TCF12: variants seen among roughly 807,000 people sequenced by gnomAD.
TCF12 encodes the protein transcription factor 12.
Under a neutral mutation model 86.0 loss-of-function variants are expected in TCF12, and 45 were observed. The ratio of observed to expected loss-of-function variants is 0.52; its 90% CI spans 0.41 to 0.67. The LOEUF is 0.67. Among genes scored for constraint, TCF12 ranks in the 30% least tolerant of loss-of-function variants. The pLI is 0.00. For synonymous variants in TCF12, 330 were observed against 299.6 expected (o/e 1.10, Z -1.05); for missense variants, 881 against 859.9 (o/e 1.02, Z -0.31).
At chr15:57,054,364 T>A (rs545629741) in intron 3 of TCF12, among the ~76,000 whole-genome samples, 1 of 152,384 alleles carries the variant, frequency 6.6e-6, no homozygotes, top group African/African-American at 2.4e-5. Context: ...TGACTTATGA[T>A]CCTAATGGGT....
At chr15:57,089,337 G>A (rs537250900) in intron 4 of TCF12, among the ~76,000 whole-genome samples, 1 of 152,036 alleles carries the variant, frequency 6.6e-6, no homozygotes, top group African/African-American at 2.4e-5. Flanking sequence ...CAGTAAATAG[G>A]TATTGAGGAT....
chr15:57,139,979 C>T (rs1409090098), intron 5 of TCF12, among the ~76,000 whole-genome samples: 1 of 152,110 alleles, frequency 6.6e-6, no homozygotes, highest in East Asian at 1.9e-4. Context: ...GGCACTTTGC[C>T]ATTTAATTAA....
At chr15:57,028,918 T>G (rs1261970841) in intron 3 of TCF12, among the ~76,000 whole-genome samples, 1 of 151,950 alleles carries the variant, frequency 6.6e-6, no homozygotes, top group Non-Finnish European at 1.5e-5. Flanking sequence ...CTGCATCAGC[T>G]TCCTGAGTAG....
At chr15:57,282,705 A>G in intron 20 of TCF12, 107 bp downstream of exon 20, 3 of 1,292,524 alleles carry the variant, frequency 2.3e-6, no homozygotes, top group Non-Finnish European at 2.1e-6. Flanking sequence ...GGCCATTGTA[A>G]AGGTCACATG....
At chr15:56,966,149 C>T (rs778089819) in intron 3 of TCF12, among the ~76,000 whole-genome samples, 6 of 151,994 alleles carry the variant, frequency 3.9e-5, no homozygotes, top group African/African-American at 7.2e-5. Context: ...ATTTTGTTTC[C>T]TTATTAACTA....
chr15:56,984,538 G>A (rs1247580805), intron 3 of TCF12, among the ~76,000 whole-genome samples: 1 of 152,086 alleles, frequency 6.6e-6, no homozygotes, highest in East Asian at 1.9e-4. Context: ...AGAGTGTTCT[G>A]TGTACCGTAC....
intron 5 of TCF12, among the ~76,000 whole-genome samples, chr15:57,100,545 G>T (rs1236793584): frequency 6.6e-6 from 1 of 151,372 alleles, no homozygotes; most frequent in African/African-American, 2.4e-5. Context: ...TTATAGACAT[G>T]AGCCACTTTA....
chr15:57,166,302 A>G (rs575790073), intron 5 of TCF12, 100 bp from the exon 6 acceptor site: 88 of 959,186 alleles, frequency 9.2e-5, no homozygotes, highest in East Asian at 4.2e-4. Context: ...TGTTCTTTCT[A>G]TTTTAAAACT....
chr15:57,112,345 C>T (rs2050549686), intron 5 of TCF12, among the ~76,000 whole-genome samples: 1 of 152,120 alleles, frequency 6.6e-6, no homozygotes, highest in Non-Finnish European at 1.5e-5. Flanking sequence ...CAGGGACAGG[C>T]CTTGGGTTAG....
At chr15:57,009,153 C>G (rs1229862573) in intron 3 of TCF12, among the ~76,000 whole-genome samples, 3 of 152,116 alleles carry the variant, frequency 2.0e-5, no homozygotes. Flanking sequence ...CTGTCACTCA[C>G]GCTGTAGTGC....
chr15:57,086,321 T>C lies in TCF12; in HGVS notation c.223-5468T>C, dbSNP rs1317976121. Among the ~76,000 whole-genome samples, 12 of 151,592 alleles carry C rather than the reference T, an allele frequency of 7.9e-5. 1 individual carries two copies. Among genetic ancestry groups the C allele is most frequent in the Admixed American group, 7.9e-4 (12 of 15,202 alleles). On this transcript the variant is annotated intron_variant, in intron 4 of 20. Coordinates refer to ENST00000333725, the MANE Select transcript of TCF12 (RefSeq NM_207037.2). ...CTACATATATTTACTTATTTAATCC[T>C]TTTGTAACAACCTGTGAAGTGAACG...
chr15:57,185,007 C>A (rs2151667620), intron 6 of TCF12, among the ~76,000 whole-genome samples: 1 of 152,190 alleles, frequency 6.6e-6, no homozygotes, highest in South Asian at 2.1e-4. Context: ...ATAATTACAT[C>A]TTTCTCTCCC....
chr15:57,032,903 A>ACCCTC (rs2066287864), intron 3 of TCF12, among the ~76,000 whole-genome samples: 1 of 152,238 alleles, frequency 6.6e-6, no homozygotes, highest in South Asian at 2.1e-4. Flanking sequence ...AAGACATTAA[A>ACCCTC]CCCTCCATTA....
chr15:57,123,347 A>C (rs1325589773), intron 5 of TCF12, among the ~76,000 whole-genome samples: 1 of 152,160 alleles, frequency 6.6e-6, no homozygotes, highest in Non-Finnish European at 1.5e-5. Context: ...AAAATTTTTT[A>C]ATTTCCTTGT....
intron 3 of TCF12, among the ~76,000 whole-genome samples, chr15:57,026,414 A>T (rs1377236782): frequency 6.6e-6 from 1 of 152,170 alleles, no homozygotes. Flanking sequence ...CCTGTTACTG[A>T]TTTATTATAA....
intron 5 of TCF12, among the ~76,000 whole-genome samples, chr15:57,161,887 TTACAG>T (rs1359165338): frequency 7.2e-5 from 11 of 152,228 alleles, no homozygotes; most frequent in Non-Finnish European, 1.3e-4. Context: ...TGTTAATAAA[TTACAG>T]GAAATGTGAG....
intron 6 of TCF12, among the ~76,000 whole-genome samples, chr15:57,175,412 TTCTC>T (rs1175882773): frequency 6.6e-6 from 1 of 152,202 alleles, no homozygotes; most frequent in Non-Finnish European, 1.5e-5. Flanking sequence ...TCTACAGTTT[TTCTC>T]TTTGTAACAG....
intron 3 of TCF12, among the ~76,000 whole-genome samples, chr15:56,935,425 T>C (rs2060426567): frequency 6.6e-6 from 1 of 152,106 alleles, no homozygotes; most frequent in Admixed American, 6.6e-5. Flanking sequence ...TGTATGTGTG[T>C]GTATGGTGGG....
At chr15:57,102,619 T>C (rs867545531) in intron 5 of TCF12, among the ~76,000 whole-genome samples, 17 of 151,794 alleles carry the variant, frequency 1.1e-4, no homozygotes, top group Middle Eastern at 3.4e-3. Flanking sequence ...AAAAAAGTTA[T>C]GTATGTGAAA....
Sources: gnomAD v4.1 joint callset for allele counts (sites outside exome capture counted in the v4.1 genomes callset) on GRCh38, gnomAD v4.1.1 for gene constraint, MANE v1.5 for transcripts, NCBI Gene and HGNC (gene_info 2026-07-23, HGNC 2026-07-21) for gene names.